ACTR3B: variants seen among roughly 807,000 people sequenced by gnomAD.
ACTR3B encodes actin related protein 3B.
Under a neutral mutation model 59.0 loss-of-function variants are expected in ACTR3B, and 8 were observed. The observed-to-expected ratio is 0.14, with a 90% confidence interval of 0.08 to 0.24. The LOEUF is 0.24. Among genes scored for constraint, ACTR3B ranks in the 10% least tolerant of loss-of-function variants. ACTR3B has a pLI of 1.00. For synonymous variants in ACTR3B, 148 were observed against 197.9 expected, an observed-to-expected ratio of 0.75 and a Z score of 2.12; for missense variants, 245 against 552.3, an observed-to-expected ratio of 0.44 and a Z score of 5.58.
intron 9 of ACTR3B, among the ~76,000 whole-genome samples, chr7:152,843,498 A>G (rs887510283): frequency 2.0e-5 from 3 of 152,236 alleles, no homozygotes; most frequent in African/African-American, 7.2e-5. Context: ...TTGACCACAT[A>G]TGCATAGCAC....
intron 1 of ACTR3B, among the ~76,000 whole-genome samples, chr7:152,768,162 G>T (rs958919076): frequency 2.2e-4 from 34 of 152,258 alleles, no homozygotes; most frequent in Non-Finnish European, 4.6e-4. Flanking sequence ...GGCGGAGGTT[G>T]CAGTGAGCTG....
chr7:152,836,201 C>G (rs906108965), intron 9 of ACTR3B, among the ~76,000 whole-genome samples: 1 of 152,122 alleles, frequency 6.6e-6, no homozygotes, highest in Non-Finnish European at 1.5e-5. Flanking sequence ...TGAAGACCAA[C>G]TCTATAATCT....
chr7:152,851,684 G>T (rs939298443), intron 9 of ACTR3B, among the ~76,000 whole-genome samples: 4 of 152,196 alleles, frequency 2.6e-5, no homozygotes, highest in African/African-American at 9.6e-5. Flanking sequence ...CGGTAACTTG[G>T]ATGCTTTCTT....
chr7:152,832,724 G>A (rs756907981), intron 9 of ACTR3B, among the ~76,000 whole-genome samples: 1 of 152,120 alleles, frequency 6.6e-6, no homozygotes, highest in Non-Finnish European at 1.5e-5. Context: ...AGGCTGGCAA[G>A]TCCAAAATTT....
intron 4 of ACTR3B, 128 bp downstream of exon 4, chr7:152,801,859 T>G (rs577063116): frequency 3.3e-4 from 183 of 547,092 alleles, no homozygotes; most frequent in African/African-American, 3.3e-3. Context: ...TCAGGCTGCT[T>G]TTTTGAAAAT....
chr7:152,817,782 A>T (rs1292013899), intron 6 of ACTR3B, among the ~76,000 whole-genome samples: 1 of 152,234 alleles, frequency 6.6e-6, no homozygotes, highest in Non-Finnish European at 1.5e-5. Flanking sequence ...TTCAAAAATC[A>T]TTTAATTTAA....
intron 1 of ACTR3B, among the ~76,000 whole-genome samples, chr7:152,768,071 A>T (rs1021105304): frequency 6.6e-6 from 1 of 152,226 alleles, no homozygotes; most frequent in Non-Finnish European, 1.5e-5. Flanking sequence ...AAATACAAAA[A>T]AATTAGCTGG....
In ACTR3B at chr7:152,822,223, G is replaced by T. The variant is rs559515757; in HGVS notation, c.685-1119G>T. Among the ~76,000 whole-genome samples the T allele has an allele frequency of 2.8e-4, 42 of 152,342 alleles. No homozygotes were observed. The South Asian group carries it at 6.0e-3, about 22-fold the overall frequency. ...AGATGGCATTAGAATATGTTTCAGG[G>T]ATGCTAAGAAACTTTAAACTTAATA... On this transcript the variant is annotated intron_variant, in intron 7 of 11. Coordinates refer to ENST00000256001, the MANE Select transcript of ACTR3B (RefSeq NM_020445.6).
chr7:152,834,261 C>T (rs1315309893), intron 9 of ACTR3B, among the ~76,000 whole-genome samples: 3 of 150,324 alleles, frequency 2.0e-5, no homozygotes, highest in Admixed American at 6.6e-5. Context: ...TCAAACAATT[C>T]TTCAGCCTCA....
At chr7:152,809,817 A>G (rs1305695550) in intron 4 of ACTR3B, among the ~76,000 whole-genome samples, 1 of 152,162 alleles carries the variant, frequency 6.6e-6, no homozygotes, top group East Asian at 1.9e-4. Flanking sequence ...TTGGGATTAT[A>G]GGTGTGAGCC....
At chr7:152,852,307 G>T in intron 10 of ACTR3B, 56 bp downstream of exon 10, 2 of 1,544,584 alleles carry the variant, frequency 1.3e-6, no homozygotes, top group South Asian at 2.5e-5. Flanking sequence ...GGCCTGACCG[G>T]GGCCCTCCTG....
At chr7:152,826,927 C>G (rs1796617647) in intron 9 of ACTR3B, among the ~76,000 whole-genome samples, 6 of 151,738 alleles carry the variant, frequency 4.0e-5, no homozygotes, top group Admixed American at 3.9e-4. Context: ...GCTTTTAAGC[C>G]CGTTTCCCGC....
Position 152,824,977 on chromosome 7 carries a change from G to T in ACTR3B, c.859-53G>T, listed in dbSNP as rs1320825483. On this transcript the variant is annotated intron_variant, in intron 8 of 11. Transcript: ENST00000256001. This position sits in a 1 kb window ranked among gnomAD's most constrained non-coding sequence, Gnocchi z 4.2. ...GTTACTTTAAAGAAGTGTGCATGTT[G>T]TTCTATTTGAGAGAAATGTGTAATG... 1.9e-6 allele frequency: 3 copies of T among 1,570,044 alleles called. No individual in the cohort carries two copies. Among genetic ancestry groups the T allele is most frequent in the Middle Eastern group, 1.7e-4 (1 of 5,938 alleles).
Position 152,818,613 on chromosome 7 carries a change from A to C in ACTR3B, c.541-1686A>C, listed in dbSNP as rs534373840. ...TTACAGGCATGCGCCACCATGCCTG[A>C]CTAATTTGTATTTTTAGTAGAGATG... On this transcript the variant is annotated intron_variant, in intron 6 of 11. Coordinates refer to ENST00000256001, the MANE Select transcript of ACTR3B (RefSeq NM_020445.6). Among the ~76,000 whole-genome samples the C allele has an allele frequency of 8.5e-5, 13 of 152,208 alleles. No homozygotes were observed. The East Asian group carries it at 2.5e-3, about 29-fold the overall frequency.
intron 2 of ACTR3B, among the ~76,000 whole-genome samples, chr7:152,788,411 GT>G (rs1194612264): frequency 0.02 from 2,584 of 130,622 alleles, 36 homozygotes; most frequent in African/African-American, 0.072. Context: ...ATGTTCTAAA[GT>G]TTTTTTTTTT....
intron 2 of ACTR3B, among the ~76,000 whole-genome samples, chr7:152,789,348 T>A (rs2966510): frequency 7.4e-6 from 1 of 135,930 alleles, no homozygotes; most frequent in African/African-American, 2.9e-5. Flanking sequence ...GTTGTGATTG[T>A]GCCACTACAC....
chr7:152,774,358 A>G (rs1020541993), intron 1 of ACTR3B, among the ~76,000 whole-genome samples: 4 of 151,168 alleles, frequency 2.6e-5, no homozygotes, highest in African/African-American at 9.7e-5. Context: ...CTGGTCTCGA[A>G]CTCCCGACCT....
chr7:152,760,282 CGGGATCTCCCCTCCTAGGAATATT>C (rs780509240), intron 1 of ACTR3B, among the ~76,000 whole-genome samples: 161 of 152,296 alleles, frequency 1.1e-3, no homozygotes, highest in South Asian at 4.6e-3. Flanking sequence ...ACCGGGAGCG[CGGGATCTCCCCTCCTAGGAATATT>C]CGCCAGCGTG....
intron 1 of ACTR3B, among the ~76,000 whole-genome samples, chr7:152,764,410 C>T (rs2098101295): frequency 6.6e-6 from 1 of 151,956 alleles, no homozygotes; most frequent in Non-Finnish European, 1.5e-5. Context: ...ATGTGGATCA[C>T]GACCCGTGGT....
Sources: allele counts gnomAD v4.1 joint callset (sites outside exome capture counted in the v4.1 genomes callset), GRCh38; gene constraint gnomAD v4.1.1; non-coding constraint Gnocchi (gnomAD v3.1); transcripts MANE v1.5; gene names NCBI Gene and HGNC (gene_info 2026-07-23, HGNC 2026-07-21).